The following TTC28 variants were observed in gnomAD, a reference collection of about 807,000 sequenced individuals.
The protein encoded by TTC28 is tetratricopeptide repeat protein 28.
Under a neutral mutation model 198.0 loss-of-function variants are expected in TTC28, and 61 were observed. The ratio of observed to expected loss-of-function variants is 0.31; its 90% CI spans 0.25 to 0.38. TTC28 has a LOEUF of 0.38. Among genes scored for constraint, TTC28 ranks in the 10% least tolerant of loss-of-function variants. TTC28 has a pLI of 1.00. For missense variants in TTC28, 2,678 were observed against 3,164.0 expected (o/e 0.85, Z 3.69); for synonymous variants, 1,171 against 1,297.8 (o/e 0.90, Z 2.10).
intron 5 of TTC28, among the ~76,000 whole-genome samples, chr22:28,256,918 C>T (rs1930968580): frequency 6.6e-6 from 1 of 152,042 alleles, no homozygotes; most frequent in African/African-American, 2.4e-5. Context: ...CACATGCCTA[C>T]AGTCTCAGCT....
At chr22:28,001,066 C>A in intron 15 of TTC28, 1 of 247,968 alleles carries the variant, frequency 4.0e-6, no homozygotes, top group Non-Finnish European at 8.1e-6. Context: ...AGGTGCTCAG[C>A]CAGGCCTCAA....
rs1569009184 is a variant in TTC28 at position 28,537,323 on chromosome 22, T to TAAAATAAAATAAAATAAAA, written c.381+92210_381+92228dup. ...TAAAATAAAATAAAATAAAATAAAA[T>TAAAATAAAATAAAATAAAA]AAAATAAAATAAAATAAAAACAAGA... On this transcript the variant is annotated intron_variant, in intron 2 of 22. Transcript: ENST00000397906. 1.6e-4 allele frequency among the ~76,000 whole-genome samples: 22 copies of TAAAATAAAATAAAATAAAA among 140,350 alleles called. 1 individual carries two copies. The highest frequency in any genetic ancestry group is 3.2e-4 in the Non-Finnish European group (20 of 61,796). 92.1% of individuals were successfully genotyped at this position (140,350 alleles called of 152,430 possible).
intron 5 of TTC28, among the ~76,000 whole-genome samples, chr22:28,271,643 C>T (rs550581998): frequency 1.3e-3 from 201 of 152,086 alleles, no homozygotes; most frequent in Non-Finnish European, 2.3e-3. Flanking sequence ...CTCGCCTTGT[C>T]GCCCAGGCTG....
chr22:28,603,834 A>C (rs933545752), intron 2 of TTC28, among the ~76,000 whole-genome samples: 16 of 152,300 alleles, frequency 1.1e-4, no homozygotes, highest in African/African-American at 3.4e-4. Context: ...CCTGTGACTA[A>C]ATTTATTCAA....
intron 5 of TTC28, among the ~76,000 whole-genome samples, chr22:28,203,834 C>A (rs1232431136): frequency 2.0e-5 from 3 of 152,054 alleles, no homozygotes; most frequent in Non-Finnish European, 4.4e-5. Context: ...AGCAGAAGCA[C>A]CACTGTTTAT....
intron 1 of TTC28, among the ~76,000 whole-genome samples, chr22:28,655,717 G>T (rs545547891): frequency 2.4e-4 from 37 of 152,146 alleles, no homozygotes; most frequent in African/African-American, 8.7e-4. Flanking sequence ...CAGGCGCCGT[G>T]GCGGGCGCCT....
At chr22:28,406,607 T>A (rs917278050) in intron 2 of TTC28, among the ~76,000 whole-genome samples, 1 of 152,240 alleles carries the variant, frequency 6.6e-6, no homozygotes, top group Non-Finnish European at 1.5e-5. Context: ...ATTAAAAGTT[T>A]GAAGTCTGGC....
chr22:28,338,175 C>A (rs2045764291), intron 2 of TTC28, among the ~76,000 whole-genome samples: 2 of 152,306 alleles, frequency 1.3e-5, no homozygotes, highest in South Asian at 4.1e-4. Context: ...GGCCCCCACT[C>A]TCTTCTGGCT....
At chr22:28,205,045 T>C (rs1926279489) in intron 5 of TTC28, among the ~76,000 whole-genome samples, 1 of 152,158 alleles carries the variant, frequency 6.6e-6, no homozygotes, top group South Asian at 2.1e-4. Context: ...TACAACCAAC[T>C]CACTATCAGC....
At chr22:28,089,753 GCATGTATACAC>G (rs1349355969) in intron 12 of TTC28, among the ~76,000 whole-genome samples, 2 of 150,308 alleles carry the variant, frequency 1.3e-5, no homozygotes, top group Admixed American at 1.3e-4. Context: ...AGAAAATGTG[GCATGTATACAC>G]CATGGAATAC....
chr22:28,539,937 CTTTT>C (rs34198666), intron 2 of TTC28, among the ~76,000 whole-genome samples: 6 of 84,622 alleles, frequency 7.1e-5, no homozygotes, highest in Non-Finnish European at 1.4e-4. Flanking sequence ...CCTCAGGAAG[CTTTT>C]TTTTTTTTTT....
chr22:28,395,639 A>C (rs79251800), intron 2 of TTC28, among the ~76,000 whole-genome samples: 2 of 135,986 alleles, frequency 1.5e-5, no homozygotes, highest in Non-Finnish European at 3.2e-5. Flanking sequence ...AACAAACAAA[A>C]AAAAAAAAAC....
chr22:27,997,239 C>A (rs564861357), intron 16 of TTC28, among the ~76,000 whole-genome samples: 1 of 152,238 alleles, frequency 6.6e-6, no homozygotes, highest in Admixed American at 6.5e-5. Context: ...AACCAAGGGA[C>A]GGCCGTGAGG....
At chr22:28,457,111 T>A (rs2047874406) in intron 2 of TTC28, among the ~76,000 whole-genome samples, 1 of 152,218 alleles carries the variant, frequency 6.6e-6, no homozygotes, top group Admixed American at 6.5e-5. Flanking sequence ...ATAAAATATG[T>A]CAGTATCTCA....
intron 5 of TTC28, among the ~76,000 whole-genome samples, chr22:28,252,699 T>C (rs989870430): frequency 2.0e-5 from 3 of 152,194 alleles, no homozygotes; most frequent in African/African-American, 4.8e-5. Flanking sequence ...CACCATCTTC[T>C]GGCAGAACTT....
chr22:28,586,695 A>G (rs1355995120), intron 2 of TTC28, among the ~76,000 whole-genome samples: 1 of 152,154 alleles, frequency 6.6e-6, no homozygotes, highest in African/African-American at 2.4e-5. Context: ...CATACCTGAA[A>G]AATTATTGCC....
intron 2 of TTC28, among the ~76,000 whole-genome samples, chr22:28,604,458 TG>T (rs2050697382): frequency 6.6e-6 from 1 of 151,694 alleles, no homozygotes; most frequent in South Asian, 2.1e-4. Context: ...AGATAGAAAA[TG>T]CTGGCCGGGC....
chr22:28,655,199 A>G (rs1437892480), intron 1 of TTC28, among the ~76,000 whole-genome samples: 1 of 152,222 alleles, frequency 6.6e-6, no homozygotes, highest in East Asian at 1.9e-4. Flanking sequence ...TGAACATAAT[A>G]AAAGAAAATA....
intron 2 of TTC28, among the ~76,000 whole-genome samples, chr22:28,423,219 G>A (rs536633118): frequency 2.5e-4 from 38 of 151,972 alleles, no homozygotes; most frequent in African/African-American, 8.2e-4. Context: ...GTGAAACCCC[G>A]TCTCTACTAA....
Sources: allele counts gnomAD v4.1 joint callset (sites outside exome capture counted in the v4.1 genomes callset), GRCh38; gene constraint gnomAD v4.1.1; transcripts MANE v1.5; gene names NCBI Gene and HGNC (gene_info 2026-07-23, HGNC 2026-07-21).